Variants in CPEB3 observed in about 807,000 individuals in gnomAD.
CPEB3 encodes cytoplasmic polyadenylation element-binding protein 3.
CPEB3 carries 20 observed loss-of-function variants against 67.2 expected under a neutral mutation model. The ratio of observed to expected loss-of-function variants is 0.30; its 90% CI spans 0.21 to 0.43. CPEB3 has a LOEUF of 0.43. Ranked by LOEUF, CPEB3 falls within the 20% of genes least tolerant of loss-of-function variation. The probability of loss-of-function intolerance (pLI) is 1.00; values close to 1 mark genes in which losing one functional copy is unlikely to be tolerated. For synonymous variants in CPEB3, 376 were observed against 393.1 expected, an observed-to-expected ratio of 0.96 and a Z score of 0.51; for missense variants, 746 against 968.6, an observed-to-expected ratio of 0.77 and a Z score of 3.05.
At chr10:92,243,348 CT>C (rs1851929693) in intron 1 of CPEB3, 1 of 152,150 alleles carries the variant, frequency 6.6e-6, no homozygotes, top group Non-Finnish European at 1.5e-5. Context: ...CTCGATCTGA[CT>C]TCAGCACGTT....
chr10:92,111,476 G>A (rs1482481073), intron 6 of CPEB3, among the ~76,000 whole-genome samples: 1 of 152,194 alleles, frequency 6.6e-6, no homozygotes, highest in South Asian at 2.1e-4. Context: ...ACTCACCATT[G>A]GCCTTAGCCA....
intron 1 of CPEB3, among the ~76,000 whole-genome samples, chr10:92,284,332 C>G (rs1010827770): frequency 6.6e-6 from 1 of 151,608 alleles, no homozygotes; most frequent in African/African-American, 2.4e-5. Flanking sequence ...CCACCACGCC[C>G]GGCCAGAATG....
At chr10:92,226,180 AT>A (rs1357239046) in intron 2 of CPEB3, among the ~76,000 whole-genome samples, 1 of 152,222 alleles carries the variant, frequency 6.6e-6, no homozygotes, top group Non-Finnish European at 1.5e-5. Context: ...GTTAACAGGT[AT>A]TACTTTCAAA....
At chr10:92,056,485 AAAG>A (rs1436898043) in intron 9 of CPEB3, among the ~76,000 whole-genome samples, 1 of 152,172 alleles carries the variant, frequency 6.6e-6, no homozygotes, top group African/African-American at 2.4e-5. Context: ...CATATTGCTG[AAAG>A]AAGCACTGAG....
chr10:92,049,264 A>G lies in CPEB3; in HGVS notation c.*2948T>C, dbSNP rs1473399996. Reference sequence around the variant, plus strand: ...ACAAACAGTACAAACAGTATTGCACATAACAACAAATAGTCGAGGTTAGGT... The same window carrying G: ...ACAAACAGTACAAACAGTATTGCACGTAACAACAAATAGTCGAGGTTAGGT... On this transcript the variant is annotated 3_prime_UTR_variant, in exon 10 of 10. Transcript: ENST00000265997. 1 of 152,292 alleles carries G rather than the reference A, an allele frequency of 6.6e-6. No homozygotes were observed. Among genetic ancestry groups the G allele is most frequent in the African/African-American group, 2.4e-5 (1 of 41,338 alleles). 9.4% of individuals were successfully genotyped at this position (152,292 alleles called of 1,614,324 possible).
intron 1 of CPEB3, among the ~76,000 whole-genome samples, chr10:92,261,830 A>G (rs1401036896): frequency 6.6e-6 from 1 of 152,164 alleles, no homozygotes; most frequent in East Asian, 1.9e-4. Flanking sequence ...CACCTTAAAG[A>G]TGTGAAAATC....
intron 2 of CPEB3, among the ~76,000 whole-genome samples, chr10:92,235,498 G>A (rs1478205641): frequency 1.3e-5 from 2 of 151,956 alleles, no homozygotes; most frequent in Non-Finnish European, 2.9e-5. Flanking sequence ...AAAGCCTATG[G>A]TCACCATTAC....
chr10:92,204,659 G>T (rs1224517495), intron 2 of CPEB3, among the ~76,000 whole-genome samples: 2 of 151,932 alleles, frequency 1.3e-5, no homozygotes, highest in African/African-American at 4.8e-5. Context: ...CTCTTCTAGT[G>T]GAAGGAAAAT....
intron 4 of CPEB3, among the ~76,000 whole-genome samples, chr10:92,158,501 TACAC>T (rs1564825706): frequency 6.6e-6 from 1 of 152,282 alleles, no homozygotes; most frequent in South Asian, 2.1e-4. Context: ...TTTCTTACTA[TACAC>T]ACATTGCCCC....
At chr10:92,259,126 C>T (rs1157810440) in intron 1 of CPEB3, among the ~76,000 whole-genome samples, 1 of 151,000 alleles carries the variant, frequency 6.6e-6, no homozygotes, top group Non-Finnish European at 1.5e-5. Context: ...TCATGCCTGG[C>T]TAATTTTTGT....
At chr10:92,072,820 G>C (rs751889013) in intron 9 of CPEB3, among the ~76,000 whole-genome samples, 2 of 152,142 alleles carry the variant, frequency 1.3e-5, no homozygotes, top group South Asian at 4.1e-4. Flanking sequence ...CCTCTGTTAC[G>C]CACGAGTGTA....
intron 6 of CPEB3, among the ~76,000 whole-genome samples, chr10:92,122,901 T>A (rs574437145): frequency 6.6e-6 from 1 of 152,364 alleles, no homozygotes; most frequent in East Asian, 1.9e-4. Flanking sequence ...ACTGCCTAAG[T>A]GCACGGATTC....
At chr10:92,122,594 A>T (rs997556628) in intron 6 of CPEB3, among the ~76,000 whole-genome samples, 12 of 152,252 alleles carry the variant, frequency 7.9e-5, no homozygotes, top group African/African-American at 2.9e-4. Flanking sequence ...ATATACTAGC[A>T]CTAGAAGATT....
upstream of CPEB3, chr10:92,291,165 T>G (rs1842849245): frequency 2.2e-6 from 1 of 453,614 alleles, no homozygotes; most frequent in Non-Finnish European, 3.9e-6. Context: ...GCGGCGACTC[T>G]TACCTCACAA....
At chr10:92,065,191 CAAGAG>C (rs983750021) in intron 9 of CPEB3, among the ~76,000 whole-genome samples, 3 of 152,256 alleles carry the variant, frequency 2.0e-5, no homozygotes, top group Middle Eastern at 3.4e-3. Context: ...ATGACTCAAT[CAAGAG>C]AAGAGAATTT....
intron 8 of CPEB3, among the ~76,000 whole-genome samples, chr10:92,083,484 G>A (rs1843239573): frequency 6.6e-6 from 1 of 152,110 alleles, no homozygotes; most frequent in South Asian, 2.1e-4. Flanking sequence ...AACAACCTCT[G>A]ATGGTTTGAG....
At chr10:92,219,137 G>A (rs1850579301) in intron 2 of CPEB3, among the ~76,000 whole-genome samples, 1 of 152,106 alleles carries the variant, frequency 6.6e-6, no homozygotes, top group Non-Finnish European at 1.5e-5. Flanking sequence ...ACTTGCTTAT[G>A]ACACCCCTAG....
chr10:92,169,386 G>A (rs1376800132), intron 4 of CPEB3, among the ~76,000 whole-genome samples: 1 of 152,132 alleles, frequency 6.6e-6, no homozygotes, highest in Non-Finnish European at 1.5e-5. Flanking sequence ...TGATCCACCC[G>A]CCTTGGCCTC....
chr10:92,153,867 T>A lies in CPEB3; in HGVS notation c.1223-8782A>T, dbSNP rs373419657. On this transcript the variant is annotated intron_variant, in intron 4 of 9. Coordinates refer to ENST00000265997, the MANE Select transcript of CPEB3 (RefSeq NM_014912.5). ...GTTTCACAGAGACCATAAAAACTCA[T>A]ACTCATGTAAATGAAAAGCACAATA... Among the ~76,000 whole-genome samples the A allele has an allele frequency of 1.8e-4, 27 of 152,334 alleles. No individual in the cohort carries two copies. The East Asian group carries it at 3.7e-3, about 21-fold the overall frequency.
Sources: gnomAD v4.1 joint callset for allele counts (sites outside exome capture counted in the v4.1 genomes callset) on GRCh38, gnomAD v4.1.1 for gene constraint, MANE v1.5 for transcripts, NCBI Gene and HGNC (gene_info 2026-07-23, HGNC 2026-07-21) for gene names.